DCUN1D4: variants seen among roughly 807,000 people sequenced by gnomAD.
The protein encoded by DCUN1D4 is defective in cullin neddylation 1 domain containing 4, also known as DCN1-like protein 4.
A neutral mutation model predicts 47.9 loss-of-function variants in DCUN1D4; 22 were observed. The observed-to-expected ratio is 0.46, with a 90% CI of 0.33 to 0.66. DCUN1D4 has a LOEUF of 0.66. Ranked by LOEUF, DCUN1D4 falls within the 30% of genes least tolerant of loss-of-function variation. DCUN1D4 has a pLI of 0.02. For synonymous variants in DCUN1D4, 121 were observed against 112.2 expected (o/e 1.08, Z -0.50); for missense variants, 301 against 340.8 (o/e 0.88, Z 0.92).
upstream of DCUN1D4, among the ~76,000 whole-genome samples, chr4:51,838,234 TG>T (rs1359571144): frequency 1.3e-5 from 2 of 152,114 alleles, no homozygotes; most frequent in African/African-American, 4.8e-5. Flanking sequence ...TCATTTGCTG[TG>T]GGGATAAGGT....
At chr4:51,895,608 A>T (rs1430701329) in intron 7 of DCUN1D4, among the ~76,000 whole-genome samples, 1 of 150,680 alleles carries the variant, frequency 6.6e-6, no homozygotes, top group East Asian at 1.9e-4. Flanking sequence ...TTGTTAATTA[A>T]CTGCAATAAA....
At chr4:51,839,965 A>T (rs1055708608), upstream of DCUN1D4, among the ~76,000 whole-genome samples, 5 of 152,190 alleles carry the variant, frequency 3.3e-5, no homozygotes, top group East Asian at 9.6e-4. Flanking sequence ...AGGGCATTTC[A>T]AAATATATCT....
chr4:51,866,367 A>G (rs1308293140), intron 3 of DCUN1D4, among the ~76,000 whole-genome samples: 2 of 151,362 alleles, frequency 1.3e-5, no homozygotes, highest in Non-Finnish European at 2.9e-5. Context: ...CTGTTTGTTA[A>G]CCAAATTATG....
chr4:51,859,331 C>T lies in DCUN1D4; in HGVS notation c.26-4106C>T, dbSNP rs376556258. Among the ~76,000 whole-genome samples the T allele has an allele frequency of 1.1e-4, 16 of 152,014 alleles. No individual in the cohort carries two copies. The East Asian group carries it at 2.3e-3, about 22-fold the overall frequency. ...TTGCTTTTTGTTGCCATTATAATTG[C>T]GTTCTTGTCCCAGTTATATTTTGCA... On this transcript the variant is annotated intron_variant, in intron 1 of 10. Coordinates refer to ENST00000334635, the MANE Select transcript of DCUN1D4 (RefSeq NM_001040402.3).
intron 4 of DCUN1D4, among the ~76,000 whole-genome samples, chr4:51,875,625 C>A (rs944450450): frequency 6.6e-6 from 1 of 152,132 alleles, no homozygotes; most frequent in African/African-American, 2.4e-5. Flanking sequence ...TTTCTATTAT[C>A]CCAATAAGAT....
At chr4:51,893,619 G>T (rs1166177053) in intron 7 of DCUN1D4, among the ~76,000 whole-genome samples, 1 of 152,088 alleles carries the variant, frequency 6.6e-6, no homozygotes, top group African/African-American at 2.4e-5. Flanking sequence ...TAGAGACGGG[G>T]TTTCGCCATG....
chr4:51,844,355 A>C (rs1346453777), intron 1 of DCUN1D4: 1 of 984,442 alleles, frequency 1.0e-6, no homozygotes, highest in Non-Finnish European at 1.2e-6. Flanking sequence ...TAAGTGCCCT[A>C]AGGTTGGAAC....
chr4:51,843,662 G>A, intron 1 of DCUN1D4: 2 of 1,253,598 alleles, frequency 1.6e-6, no homozygotes, highest in East Asian at 6.3e-5. Context: ...GGGAGAGGGA[G>A]GGAGCGAGCG....
At chr4:51,877,624 G>T (rs1006549102) in intron 4 of DCUN1D4, 139 bp from the exon 5 acceptor site, 7 of 570,868 alleles carry the variant, frequency 1.2e-5, no homozygotes, top group Admixed American at 3.2e-5. Context: ...GCCTGCAAAT[G>T]CAGGAAATAA....
At chr4:51,884,056 G>A (rs1387708193) in intron 5 of DCUN1D4, among the ~76,000 whole-genome samples, 1 of 150,462 alleles carries the variant, frequency 6.6e-6, no homozygotes, top group Non-Finnish European at 1.5e-5. Flanking sequence ...GGATAGAAGG[G>A]GACAAAACCC....
At chr4:51,877,676 T>G in intron 4 of DCUN1D4, 87 bp from the exon 5 acceptor site, 1 of 794,112 alleles carries the variant, frequency 1.3e-6, no homozygotes, top group Non-Finnish European at 2.0e-6. Context: ...AATAGATGTC[T>G]GGTTTGGGTA....
At chr4:51,912,174 C>A (rs1733813345) in intron 9 of DCUN1D4, among the ~76,000 whole-genome samples, 1 of 152,184 alleles carries the variant, frequency 6.6e-6, no homozygotes, top group Non-Finnish European at 1.5e-5. Flanking sequence ...ATTTCTCTGA[C>A]AATCCCTTGA....
At chr4:51,882,773 T>A (rs1218375377) in intron 5 of DCUN1D4, among the ~76,000 whole-genome samples, 1 of 151,768 alleles carries the variant, frequency 6.6e-6, no homozygotes, top group Non-Finnish European at 1.5e-5. Context: ...TTTCAAAAAA[T>A]AAATAAATAA....
intron 1 of DCUN1D4, among the ~76,000 whole-genome samples, chr4:51,861,155 T>C (rs1724993426): frequency 6.6e-6 from 1 of 152,242 alleles, no homozygotes; most frequent in South Asian, 2.1e-4. Flanking sequence ...ATCCTCACTT[T>C]ACAGATGAGA....
At chr4:51,893,120 A>T (rs902976140) in intron 7 of DCUN1D4, among the ~76,000 whole-genome samples, 1 of 152,210 alleles carries the variant, frequency 6.6e-6, no homozygotes, top group Non-Finnish European at 1.5e-5. Context: ...CATAGAGGGG[A>T]TCGGTGATGT....
chr4:51,865,592 C>A (rs1725784182), intron 3 of DCUN1D4: 1 of 152,272 alleles, frequency 6.6e-6, no homozygotes, highest in African/African-American at 2.4e-5. Context: ...TCCCTTCTCA[C>A]ATTTGTATGC....
chr4:51,900,338 G>A (rs1412363573), intron 8 of DCUN1D4, among the ~76,000 whole-genome samples: 1 of 151,892 alleles, frequency 6.6e-6, no homozygotes, highest in Admixed American at 6.6e-5. Context: ...CAACCTTCTA[G>A]TTAAATCACA....
chr4:51,894,527 ATAT>A (rs1169354114), intron 7 of DCUN1D4, among the ~76,000 whole-genome samples: 4 of 152,156 alleles, frequency 2.6e-5, no homozygotes, highest in African/African-American at 9.7e-5. Flanking sequence ...CTTATAAACA[ATAT>A]TCAGACAAAA....
chr4:51,844,890 C>G (rs1577808743), intron 1 of DCUN1D4: 2 of 985,476 alleles, frequency 2.0e-6, no homozygotes, highest in Non-Finnish European at 2.4e-6. Flanking sequence ...GCTCGGCCAA[C>G]TCGTGCTTTA....
Sources: allele counts gnomAD v4.1 joint callset (sites outside exome capture counted in the v4.1 genomes callset), GRCh38; gene constraint gnomAD v4.1.1; transcripts MANE v1.5; gene names NCBI Gene and HGNC (gene_info 2026-07-23, HGNC 2026-07-21).